TMEM179B: variants seen among roughly 807,000 people sequenced by gnomAD.
The protein encoded by TMEM179B is transmembrane protein 179B.
In TMEM179B, 13 loss-of-function variants were observed where a neutral mutation model predicts 18.0. The observed-to-expected ratio is 0.72, with a 90% CI of 0.47 to 1.15. TMEM179B has a LOEUF of 1.15. Ranked by LOEUF, TMEM179B falls within the 50% of genes most tolerant of loss-of-function variation. The probability of loss-of-function intolerance (pLI) is 0.00; values close to 1 mark genes in which losing one functional copy is unlikely to be tolerated. For synonymous variants in TMEM179B, 159 were observed against 117.5 expected, an observed-to-expected ratio of 1.35 and a Z score of -2.29; for missense variants, 320 against 270.6, an observed-to-expected ratio of 1.18 and a Z score of -1.28.
rs78183508 is a variant in TMEM179B, at chr11:62,789,764, C to T, written c.498+85C>T. 3.7e-3 allele frequency: 5,574 copies of T among 1,511,542 alleles called. 164 individuals are homozygous for T. In the African/African-American group the frequency reaches 0.067, roughly 18 times the overall value. The allele number at this position is 1,511,542 out of a possible 1,614,324, so 93.6% of individuals were successfully genotyped here. A position where few individuals can be genotyped will look rare whatever the true frequency, so the allele number is the denominator to read the frequency against. ...ACCAGTGTATTGTGAGCTTGGCCTA[C>T]CAGTGAGAGGAGCTGAAGGGGTTGT... On this transcript the variant is annotated intron_variant, in intron 4 of 4. Transcript: ENST00000333449.
chr11:62,789,080 CT>C lies in TMEM179B; in HGVS notation c.155del (p.Leu52ArgfsTer15). The C allele has an allele frequency of 6.2e-7, 1 of 1,614,234 alleles. No individual in the cohort carries two copies. The highest frequency in any genetic ancestry group is 8.5e-7 in the Non-Finnish European group (1 of 1,180,034). ...YGVATLNGSS[L>X]ALSRPSAPSL... ...TGTGGCCACCCTGAATGGCTCCTCC[CT>C]GGCCTTATCCCGTCCCTCAGCACCA... On this transcript the variant is annotated frameshift_variant, in exon 2 of 5. Coordinates refer to ENST00000333449, the MANE Select transcript of TMEM179B (RefSeq NM_199337.3). LOFTEE classifies it high-confidence loss of function.
chr11:62,789,755 C>T lies in TMEM179B; in HGVS notation c.498+76C>T, dbSNP rs768348891. ...TGGGTGCTCACCAGTGTATTGTGAG[C>T]TTGGCCTACCAGTGAGAGGAGCTGA... is the stretch of plus-strand genomic sequence containing the variant. On this transcript the variant is annotated intron_variant, in intron 4 of 4. Transcript: ENST00000333449. The T allele has an allele frequency of 2.6e-5, 39 of 1,512,472 alleles. No homozygotes were observed. In the Middle Eastern group the frequency reaches 1.2e-3, roughly 48 times the overall value. 93.7% of individuals were successfully genotyped at this position (1,512,472 alleles called of 1,614,324 possible).
At chr11:62,788,693 A>G (rs2084320707) in intron 1 of TMEM179B, among the ~76,000 whole-genome samples, 2 of 149,558 alleles carry the variant, frequency 1.3e-5, no homozygotes, top group African/African-American at 5.0e-5. Context: ...AAAAAAAAAA[A>G]GCACCTCACA....
intron 1 of TMEM179B, 23 bp downstream of exon 1, chr11:62,787,550 GGTA>G: frequency 6.5e-7 from 1 of 1,527,124 alleles, no homozygotes; most frequent in East Asian, 2.4e-5. Context: ...GGCGGGGTCA[GGTA>G]GGCGGGGGAG....
Position 62,789,338 on chromosome 11 carries a change from G to T in TMEM179B, c.331G>T (p.Val111Phe), listed in dbSNP as rs752707547. 1 of 1,613,924 alleles carries T rather than the reference G, an allele frequency of 6.2e-7. No homozygotes were observed. Reference protein sequence around the residue: ...RIALAISAIAVFLVLVSACIL... With the variant: ...RIALAISAIAFFLVLVSACIL... ...TGCACTGGCCATCTCAGCTATAGCC[G>T]TCTTCCTGGTCTTGGTGTCTGCCTG... The change falls in exon 3 of 5, where the codon GTC becomes TTC. Residue 111 changes from valine (V) to phenylalanine (F), a missense_variant. By Grantham distance (50) the Val-to-Phe change is conservative (BLOSUM62 -1). Transcript: ENST00000333449.
At chr11:62,787,839 C>G (rs1384172327) in intron 1 of TMEM179B, 13 of 647,572 alleles carry the variant, frequency 2.0e-5, no homozygotes, top group Admixed American at 4.1e-5. Context: ...GAAGTCAGTG[C>G]AGAACCTGCG....
Position 62,789,379 on chromosome 11 carries a change from C to T in TMEM179B, c.372C>T (p.Gly124=), listed in dbSNP as rs987295349. Residue 124 remains glycine (G), a synonymous_variant, in exon 3 of 5, where the codon GGC becomes GGT. Coordinates refer to ENST00000333449, the MANE Select transcript of TMEM179B (RefSeq NM_199337.3). The stretch of plus-strand genomic sequence containing the variant: ...TGTCTGCCTGTATCCTTCGATTTGG[C>T]ACCAGGTCTCTCTGCAACTCCATCA... ...VLVSACILRF[G]TRSLCNSIIS... The T allele has an allele frequency of 3.1e-6, 5 of 1,613,842 alleles. No homozygotes were observed. Among genetic ancestry groups the T allele is most frequent in the East Asian group, 2.2e-5 (1 of 44,898 alleles).
At chr11:62,787,577 A>G (rs763147027) in intron 1 of TMEM179B, 50 bp downstream of exon 1, 27 of 1,471,724 alleles carry the variant, frequency 1.8e-5, no homozygotes, top group Middle Eastern at 4.9e-4. Context: ...GCCGGTCTGG[A>G]CATGGCGAGG....
Position 62,789,432 on chromosome 11 carries a change from G to A in TMEM179B, c.419+6G>A. 6.2e-7 allele frequency: 1 copy of A among 1,613,716 alleles called. No individual in the cohort carries two copies. Reference sequence around the variant, plus strand: ...TCCTTGAACACTACAATTAGGTAATGGGAGAGGGAGGGAAGCCTGGCTGGG... The same window carrying A: ...TCCTTGAACACTACAATTAGGTAATAGGAGAGGGAGGGAAGCCTGGCTGGG... On this transcript the variant is annotated splice_donor_region_variant and intron_variant, in intron 3 of 4. Transcript: ENST00000333449.
At chr11:62,788,875 T>C in intron 1 of TMEM179B, 148 bp from the exon 2 acceptor site, 1 of 883,802 alleles carries the variant, frequency 1.1e-6, no homozygotes, top group South Asian at 1.8e-5. Context: ...TCTCCATCAA[T>C]ATCCCTGTCC....
intron 1 of TMEM179B, among the ~76,000 whole-genome samples, chr11:62,788,682 A>G (rs1437996683): frequency 6.6e-6 from 1 of 151,748 alleles, no homozygotes; most frequent in African/African-American, 2.4e-5. Flanking sequence ...CCAGCAAAAA[A>G]AAAAAAAAAA....
Position 62,787,487 on chromosome 11 carries a change from T to A in TMEM179B, c.56T>A (p.Leu19Gln). 1 of 1,579,532 alleles carries A rather than the reference T, an allele frequency of 6.3e-7. No individual in the cohort carries two copies. Among genetic ancestry groups the A allele is most frequent in the Non-Finnish European group, 8.5e-7 (1 of 1,170,494 alleles). Residue 19 changes from leucine (L) to glutamine (Q), a missense_variant, in exon 1 of 5, where the codon CTG becomes CAG. Coordinates refer to ENST00000333449, the MANE Select transcript of TMEM179B (RefSeq NM_199337.3). The part of the protein sequence containing the change: ...VELALFAAAF[L>Q]CGAVAAAAMT... ...CTTGCGCTCTTTGCTGCCGCCTTCC[T>A]GTGCGGGGCCGTGGCGGCCGCGGCG...
Position 62,790,207 on chromosome 11 carries a change from T to C in TMEM179B, c.*160T>C, listed in dbSNP as rs1395724594. The C allele has an allele frequency of 2.5e-6, 2 of 788,738 alleles. No individual in the cohort carries two copies. The highest frequency in any genetic ancestry group is 3.9e-6 in the Non-Finnish European group (2 of 519,190). The allele number at this position is 788,738 out of a possible 1,614,324, so 48.9% of individuals were successfully genotyped here. Reference sequence around the variant, plus strand: ...GCCCCCCTCCACCTCTTCCTGCAGCTGTTTTTGTACCAAAATATTATATTA... The same window carrying C: ...GCCCCCCTCCACCTCTTCCTGCAGCCGTTTTTGTACCAAAATATTATATTA... On this transcript the variant is annotated 3_prime_UTR_variant, in exon 5 of 5. Transcript: ENST00000333449.
Position 62,789,105 on chromosome 11 carries a change from C to T in TMEM179B, c.179C>T (p.Pro60Leu), listed in dbSNP as rs147507289. ...CTGGCCTTATCCCGTCCCTCAGCAC[C>T]ATCCCTGTGCTACTTTGTAGCTGGG... ...SSLALSRPSA[P>L]SLCYFVAGAS... The change falls in exon 2 of 5, where the codon CCA becomes CTA. Residue 60 changes from proline to leucine, a missense_variant. By Grantham distance (98) the Pro-to-Leu change is moderately conservative. Coordinates refer to ENST00000333449, the MANE Select transcript of TMEM179B (RefSeq NM_199337.3). 1.3e-5 allele frequency: 21 copies of T among 1,614,228 alleles called. No homozygotes were observed. Among genetic ancestry groups the T allele is most frequent in the African/African-American group, 6.7e-5 (5 of 75,064 alleles).
chr11:62,789,743 GTGTAT>G, intron 4 of TMEM179B, 64 bp downstream of exon 4: 1 of 1,507,220 alleles, frequency 6.6e-7, no homozygotes, highest in South Asian at 1.3e-5. Context: ...GTGCTCACCA[GTGTAT>G]TGTGAGCTTG....
chr11:62,788,919 C>T, intron 1 of TMEM179B, 104 bp from the exon 2 acceptor site: 2 of 1,262,432 alleles, frequency 1.6e-6, no homozygotes, highest in Non-Finnish European at 2.2e-6. Context: ...CAAATAACTT[C>T]CTGGAATGCA....
Position 62,789,985 on chromosome 11 carries a change from G to C in TMEM179B, c.598G>C (p.Gly200Arg), listed in dbSNP as rs762466330. The C allele has an allele frequency of 3.1e-6, 5 of 1,614,014 alleles. No homozygotes were observed. The highest frequency in any genetic ancestry group is 3.4e-6 in the Non-Finnish European group (4 of 1,179,986). ...EATPYRPLER[G>R]DPEWSSETDA... ...CACCCCATACCGGCCTCTGGAGAGG[G>C]GTGACCCTGAGTGGAGCTCTGAGAC... Residue 200 changes from glycine to arginine, a missense_variant, in exon 5 of 5, where the codon GGT (glycine) becomes CGT (arginine). Physicochemically the swap from Gly to Arg is moderately radical, Grantham distance 125. Coordinates refer to ENST00000333449, the MANE Select transcript of TMEM179B (RefSeq NM_199337.3).
In TMEM179B at chr11:62,788,496, A is replaced by T. The variant is rs182928588; in HGVS notation, c.97-527A>T. 2.2e-4 allele frequency among the ~76,000 whole-genome samples: 33 copies of T among 152,264 alleles called. No individual in the cohort carries two copies. In the East Asian group the frequency reaches 6.4e-3, roughly 29 times the overall value. ...GTGGCAGGCGGATCACGAGGTCAGG[A>T]GATCAAGACCATCCTGGCCAACACG... is the stretch of plus-strand genomic sequence containing the variant. On this transcript the variant is annotated intron_variant, in intron 1 of 4. Transcript: ENST00000333449.
In TMEM179B at chr11:62,787,520, G is replaced by A. The variant is rs1478755452; in HGVS notation, c.89G>A (p.Arg30Gln). The change falls in exon 1 of 5, where the codon CGG (arginine) becomes CAG (glutamine). Residue 30 changes from arginine (R) to glutamine (Q), a missense_variant. Coordinates refer to ENST00000333449, the MANE Select transcript of TMEM179B (RefSeq NM_199337.3). ...GCCGTGGCGGCCGCGGCGATGACTC[G>A]GACCCAGGTGCGGCTGCGGGGCGGG... ...CGAVAAAAMT[R>Q]TQGSFSGRCP... 1 of 1,571,444 alleles carries A rather than the reference G, an allele frequency of 6.4e-7. No homozygotes were observed. The highest frequency in any genetic ancestry group is 8.6e-7 in the Non-Finnish European group (1 of 1,167,580).
Sources: gnomAD v4.1 joint callset for allele counts (sites outside exome capture counted in the v4.1 genomes callset) on GRCh38, gnomAD v4.1.1 for gene constraint, MANE v1.5 for transcripts, NCBI Gene and HGNC (gene_info 2026-07-23, HGNC 2026-07-21) for gene names.